TNFRSF10A: variants seen among roughly 807,000 people sequenced by gnomAD.
TNFRSF10A encodes TNF receptor superfamily member 10a.
In TNFRSF10A, 44 loss-of-function variants were observed where a neutral mutation model predicts 42.8. That is an observed-to-expected ratio of 1.03 (90% CI 0.81 to 1.32). The LOEUF is 1.32. TNFRSF10A is among the 40% of genes most tolerant of loss of function. The pLI is 0.00. For synonymous variants in TNFRSF10A, 259 were observed against 234.2 expected (o/e 1.11, Z -0.97); for missense variants, 680 against 602.0 (o/e 1.13, Z -1.36).
At chr8:23,217,087 C>G (rs1025670692) in intron 1 of TNFRSF10A, among the ~76,000 whole-genome samples, 2 of 152,102 alleles carry the variant, frequency 1.3e-5, no homozygotes, top group African/African-American at 4.8e-5. Flanking sequence ...TTCATCTGAT[C>G]GTTCTATCAG....
intron 1 of TNFRSF10A, among the ~76,000 whole-genome samples, chr8:23,222,904 C>T (rs948218367): frequency 2.0e-5 from 3 of 152,090 alleles, no homozygotes; most frequent in Non-Finnish European, 4.4e-5. Flanking sequence ...CCCACCCCTT[C>T]CCCTGATGGG....
At chr8:23,194,890 T>C (rs1230361696) in intron 9 of TNFRSF10A, among the ~76,000 whole-genome samples, 1 of 152,202 alleles carries the variant, frequency 6.6e-6, no homozygotes, top group Non-Finnish European at 1.5e-5. Context: ...CATTGGCTCA[T>C]GTCTGTAATC....
chr8:23,202,013 T>C, intron 3 of TNFRSF10A, 94 bp from the exon 4 acceptor site: 1 of 1,169,106 alleles, frequency 8.6e-7, no homozygotes. Flanking sequence ...TCAGCTCAGC[T>C]CAACTCAGTT....
chr8:23,193,936 G>A (rs746789603), intron 9 of TNFRSF10A, among the ~76,000 whole-genome samples: 2 of 152,110 alleles, frequency 1.3e-5, no homozygotes, highest in Non-Finnish European at 2.9e-5. Flanking sequence ...CTTTTATGTT[G>A]CTGTTCTAAG....
chr8:23,221,862 G>A (rs753210644), intron 1 of TNFRSF10A, among the ~76,000 whole-genome samples: 18 of 151,678 alleles, frequency 1.2e-4, no homozygotes, highest in African/African-American at 4.1e-4. Context: ...GCAGGGACAC[G>A]GGCACGCTTG....
Position 23,197,121 on chromosome 8 carries a change from A to G in TNFRSF10A, c.1087+11T>C, listed in dbSNP as rs1203039299. The G allele has an allele frequency of 3.1e-6, 5 of 1,613,994 alleles. No individual in the cohort carries two copies. Among genetic ancestry groups the G allele is most frequent in the African/African-American group, 1.3e-5 (1 of 74,916 alleles). ...CCATTTCTGCTGCATCTCCAGGAGC[A>G]AAACACTTACTCTCAGTGGGGTCAG... is the stretch of plus-strand genomic sequence containing the variant. On this transcript the variant is annotated intron_variant, in intron 9 of 9. Coordinates refer to ENST00000221132, the MANE Select transcript of TNFRSF10A (RefSeq NM_003844.4).
Position 23,197,194 on chromosome 8 carries a change from T to G in TNFRSF10A, c.1025A>C (p.Glu342Ala). 1 of 1,614,124 alleles carries G rather than the reference T, an allele frequency of 6.2e-7. No individual in the cohort carries two copies. Among genetic ancestry groups the G allele is most frequent in the African/African-American group, 1.3e-5 (1 of 75,044 alleles). ...CCTCCTCCTCTGAGACCCTTCAGCT[T>G]CTGCCGGTCCCTGTAACACACAGTG... ...GEAQCLLGPA[E>A]AEGSQRRRLL... The change falls in exon 9 of 10, where the codon GAA becomes GCA. Residue 342 changes from glutamate (E) to alanine (A), a missense_variant. Coordinates refer to ENST00000221132, the MANE Select transcript of TNFRSF10A (RefSeq NM_003844.4).
chr8:23,208,498 C>T (rs976440554), intron 2 of TNFRSF10A, among the ~76,000 whole-genome samples: 4 of 152,010 alleles, frequency 2.6e-5, no homozygotes, highest in Non-Finnish European at 4.4e-5. Context: ...GCTCTGTTGC[C>T]CAGGCTGGAG....
intron 4 of TNFRSF10A, 127 bp from the exon 5 acceptor site, chr8:23,200,887 A>G (rs145556478): frequency 7.3e-5 from 65 of 888,154 alleles, no homozygotes; most frequent in Non-Finnish European, 9.9e-5. Flanking sequence ...GTCTCCTCGT[A>G]TCTGCAGGGG....
rs770623755 is a variant in TNFRSF10A at position 23,200,693 on chromosome 8, C to T, written c.697G>A (p.Glu233Lys). ...TCCCCAGTGGGCTTTGTACCTGATT[C>T]TTTGTGGACACACTCGATGTCACTC... ...PWSDIECVHK[E>K]SGNGHNIWVI... Residue 233 changes from glutamate (E) to lysine (K), a missense_variant, in exon 5 of 10, where the codon GAA becomes AAA. Transcript: ENST00000221132. The T allele has an allele frequency of 2.0e-6, 3 of 1,527,108 alleles. No individual in the cohort carries two copies. The highest frequency in any genetic ancestry group is 2.2e-5 in the South Asian group (2 of 90,088). The allele number at this position is 1,527,108 out of a possible 1,614,324, so 94.6% of individuals were successfully genotyped here. A position where few individuals can be genotyped will look rare whatever the true frequency, so the allele number is the denominator to read the frequency against.
At position 23,199,425 on chromosome 8, in the gene TNFRSF10A, GA is replaced by G; in HGVS notation, c.854del (p.Leu285ProfsTer16). ...TGTCCTCAGCCCCAGGCCCTCGTAG[GA>G]GACCCAAGCGCCAGAAACACACCTT... ...MDRVCFWRLGLLRGPGAEDNA... is the reference protein window; with the variant it reads ...MDRVCFWRLGXLRGPGAEDNA... On this transcript the variant is annotated frameshift_variant, in exon 8 of 10. Transcript: ENST00000221132. LOFTEE classifies it high-confidence loss of function. 6.2e-7 allele frequency: 1 copy of G among 1,612,682 alleles called. No individual in the cohort carries two copies. Among genetic ancestry groups the G allele is most frequent in the African/African-American group, 1.3e-5 (1 of 75,018 alleles).
At chr8:23,197,046 G>A (rs988493685) in intron 9 of TNFRSF10A, 86 bp downstream of exon 9, 1 of 1,569,124 alleles carries the variant, frequency 6.4e-7, no homozygotes. Flanking sequence ...TGCTCTGGAA[G>A]AGCACTCTCA....
chr8:23,219,537 C>T (rs531050816), intron 1 of TNFRSF10A, among the ~76,000 whole-genome samples: 5 of 152,286 alleles, frequency 3.3e-5, no homozygotes, highest in African/African-American at 9.6e-5. Context: ...GACATGGCTC[C>T]GGCAGATTAT....
At chr8:23,207,362 T>C in intron 2 of TNFRSF10A, 1 of 576,396 alleles carries the variant, frequency 1.7e-6, no homozygotes, top group South Asian at 1.4e-5. Flanking sequence ...AAAATTGGGA[T>C]CATCTAAACT....
At chr8:23,197,267 C>A in intron 8 of TNFRSF10A, 63 bp from the exon 9 acceptor site, 1 of 1,596,624 alleles carries the variant, frequency 6.3e-7, no homozygotes. Context: ...AGTACTGACT[C>A]TGACCATCAG....
chr8:23,194,909 T>A (rs1376687439), intron 9 of TNFRSF10A, among the ~76,000 whole-genome samples: 1 of 152,152 alleles, frequency 6.6e-6, no homozygotes. Context: ...TCCCAGCACT[T>A]TGGGAGGCCA....
At chr8:23,204,729 T>G (rs572081634) in intron 2 of TNFRSF10A, among the ~76,000 whole-genome samples, 2 of 151,906 alleles carry the variant, frequency 1.3e-5, no homozygotes, top group African/African-American at 4.8e-5. Flanking sequence ...TGGAATAAAA[T>G]TAGAAATCAA....
At chr8:23,206,110 A>G (rs1057278545) in intron 2 of TNFRSF10A, among the ~76,000 whole-genome samples, 2 of 152,232 alleles carry the variant, frequency 1.3e-5, no homozygotes, top group Non-Finnish European at 2.9e-5. Context: ...GAATACGAAT[A>G]TAAAGAAAGA....
intron 9 of TNFRSF10A, among the ~76,000 whole-genome samples, chr8:23,195,237 A>T (rs1330396652): frequency 6.6e-6 from 1 of 152,200 alleles, no homozygotes; most frequent in Non-Finnish European, 1.5e-5. Flanking sequence ...GCAGGAGCTG[A>T]TTGAGTGGAC....
Sources: allele counts gnomAD v4.1 joint callset (sites outside exome capture counted in the v4.1 genomes callset), GRCh38; gene constraint gnomAD v4.1.1; transcripts MANE v1.5; gene names NCBI Gene and HGNC (gene_info 2026-07-23, HGNC 2026-07-21).